TMEFF2: variants seen among roughly 807,000 people sequenced by gnomAD.
The protein encoded by TMEFF2 is transmembrane protein with EGF like and two follistatin like domains 2, also known as tomoregulin-2.
A neutral mutation model predicts 53.8 loss-of-function variants in TMEFF2; 28 were observed. That is an observed-to-expected ratio of 0.52 (90% CI 0.39 to 0.71). The LOEUF is 0.71. Among genes scored for constraint, TMEFF2 ranks in the 30% least tolerant of loss-of-function variants. The pLI, the probability that TMEFF2 is intolerant of heterozygous loss-of-function variation, is 0.00. For missense variants in TMEFF2, 353 were observed against 455.2 expected, an observed-to-expected ratio of 0.78 and a Z score of 2.04; for synonymous variants, 162 against 166.3, an observed-to-expected ratio of 0.97 and a Z score of 0.20.
intron 5 of TMEFF2, among the ~76,000 whole-genome samples, chr2:192,055,841 T>G (rs1279304815): frequency 6.6e-6 from 1 of 151,616 alleles, no homozygotes; most frequent in Admixed American, 6.6e-5. Flanking sequence ...AAACATACAT[T>G]TGTTTACCTC....
At chr2:192,068,556 T>C (rs1001689919) in intron 4 of TMEFF2, among the ~76,000 whole-genome samples, 1 of 151,802 alleles carries the variant, frequency 6.6e-6, no homozygotes, top group African/African-American at 2.4e-5. Context: ...TCTTCAGAAA[T>C]TGCCCGGAGC....
At chr2:192,149,778 T>TAAG (rs542352628) in intron 4 of TMEFF2, among the ~76,000 whole-genome samples, 1 of 151,964 alleles carries the variant, frequency 6.6e-6, no homozygotes, top group African/African-American at 2.4e-5. Context: ...AAGAGTGTAA[T>TAAG]AAGAAGTCTA....
At chr2:192,039,275 T>TA (rs986658303) in intron 5 of TMEFF2, among the ~76,000 whole-genome samples, 2 of 152,190 alleles carry the variant, frequency 1.3e-5, no homozygotes, top group East Asian at 3.9e-4. Context: ...ATTCTATGAA[T>TA]AAAAAAAGAA....
intron 4 of TMEFF2, among the ~76,000 whole-genome samples, chr2:192,120,693 T>C (rs1485424378): frequency 6.6e-6 from 1 of 152,184 alleles, no homozygotes; most frequent in Non-Finnish European, 1.5e-5. Flanking sequence ...GAGCAAAATG[T>C]AGAGATCTGT....
intron 5 of TMEFF2, chr2:192,028,678 G>A (rs1011345134): frequency 1.3e-5 from 2 of 152,078 alleles, no homozygotes; most frequent in African/African-American, 4.8e-5. Context: ...GCATCATGAT[G>A]TGCAATAAAA....
At chr2:191,951,480 T>G (rs1332753731) in intron 9 of TMEFF2, among the ~76,000 whole-genome samples, 2 of 147,594 alleles carry the variant, frequency 1.4e-5, no homozygotes, top group Non-Finnish European at 3.0e-5. Context: ...AAGAGAGATG[T>G]AGAAGACAGG....
At chr2:191,989,041 C>T (rs4483985) in intron 7 of TMEFF2, among the ~76,000 whole-genome samples, 150,196 of 152,302 alleles carry the variant, frequency 0.99, 74,108 homozygotes, top group Middle Eastern at 1. Context: ...CCACTTTAAA[C>T]TATATGTTAA....
At chr2:192,192,011 C>A (rs3768702) in intron 1 of TMEFF2, 22 bp from the exon 2 acceptor site, 393,221 of 1,481,254 alleles carry the variant, frequency 0.27, 54,616 homozygotes, top group East Asian at 0.36. Flanking sequence ...AGAGAACACT[C>A]CAGTCATTAA....
At chr2:192,089,946 T>G (rs1688753848) in intron 4 of TMEFF2, among the ~76,000 whole-genome samples, 1 of 152,188 alleles carries the variant, frequency 6.6e-6, no homozygotes, top group Non-Finnish European at 1.5e-5. Flanking sequence ...GACTTCCCTA[T>G]GTAAGATGAC....
intron 4 of TMEFF2, among the ~76,000 whole-genome samples, chr2:192,079,230 G>A (rs1332098448): frequency 1.3e-5 from 2 of 152,174 alleles, no homozygotes; most frequent in Admixed American, 1.3e-4. Context: ...TATTTGCTCT[G>A]CAGATGTACA....
intron 5 of TMEFF2, among the ~76,000 whole-genome samples, chr2:192,024,603 A>G (rs1686926862): frequency 6.6e-6 from 1 of 152,230 alleles, no homozygotes; most frequent in Non-Finnish European, 1.5e-5. Flanking sequence ...GACACGTTTT[A>G]AAATATATAC....
chr2:192,143,297 A>G (rs377529896), intron 4 of TMEFF2, among the ~76,000 whole-genome samples: 5 of 152,160 alleles, frequency 3.3e-5, no homozygotes, highest in African/African-American at 7.2e-5. Context: ...AAGCTGCTCA[A>G]ATTCTACCCT....
chr2:192,095,656 C>G (rs1489004498), intron 4 of TMEFF2, among the ~76,000 whole-genome samples: 1 of 152,074 alleles, frequency 6.6e-6, no homozygotes, highest in Admixed American at 6.6e-5. Flanking sequence ...AGGCAAAGAT[C>G]AAAAGACTTT....
intron 8 of TMEFF2, among the ~76,000 whole-genome samples, chr2:191,955,716 T>TG (rs375761368): frequency 9.2e-5 from 14 of 151,436 alleles, no homozygotes; most frequent in South Asian, 4.2e-4. Context: ...AGTTTGAAAC[T>TG]GGGGGGGTAT....
At chr2:192,136,625 C>A (rs116363147) in intron 4 of TMEFF2, among the ~76,000 whole-genome samples, 1 of 152,000 alleles carries the variant, frequency 6.6e-6, no homozygotes, top group Non-Finnish European at 1.5e-5. Flanking sequence ...TCATTCTTTG[C>A]GGATTATTTC....
At chr2:192,124,256 G>C (rs1689625930) in intron 4 of TMEFF2, among the ~76,000 whole-genome samples, 1 of 152,216 alleles carries the variant, frequency 6.6e-6, no homozygotes, top group East Asian at 1.9e-4. Flanking sequence ...AAATTGGAGG[G>C]AATGTGGGTA....
chr2:192,153,548 T>C lies in TMEFF2; in HGVS notation c.439+26120A>G, dbSNP rs1213288129. Among the ~76,000 whole-genome samples the C allele has an allele frequency of 3.9e-5, 6 of 152,026 alleles. No individual in the cohort carries two copies. The South Asian group carries it at 8.3e-4, about 21-fold the overall frequency. On this transcript the variant is annotated intron_variant, in intron 4 of 9. Transcript: ENST00000272771. ...ATAGAGCAACAACTATTGTGCAAGC[T>C]GATCATCAAATATTTTGCCAACCAT...
chr2:192,090,683 G>C (rs1167286104), intron 4 of TMEFF2, among the ~76,000 whole-genome samples: 1 of 152,082 alleles, frequency 6.6e-6, no homozygotes, highest in Non-Finnish European at 1.5e-5. Flanking sequence ...ATTGTATTCA[G>C]GATGCAACTC....
intron 4 of TMEFF2, among the ~76,000 whole-genome samples, chr2:192,070,595 G>T (rs1255747672): frequency 6.6e-6 from 1 of 151,788 alleles, no homozygotes; most frequent in Non-Finnish European, 1.5e-5. Flanking sequence ...TAGCCTCTTG[G>T]CATGTTTCTT....
Sources: gnomAD v4.1 joint callset for allele counts (sites outside exome capture counted in the v4.1 genomes callset) on GRCh38, gnomAD v4.1.1 for gene constraint, MANE v1.5 for transcripts, NCBI Gene and HGNC (gene_info 2026-07-23, HGNC 2026-07-21) for gene names.